MTBP: variants seen among roughly 807,000 people sequenced by gnomAD.
MTBP encodes the protein MDM2 binding protein, also known as mdm2-binding protein.
In MTBP, 101 loss-of-function variants were observed where a neutral mutation model predicts 117.0. The observed-to-expected ratio is 0.86, with a 90% CI of 0.73 to 1.02. MTBP has a LOEUF of 1.02. Among genes scored for constraint, MTBP ranks in the 50% least tolerant of loss-of-function variants. The probability of loss-of-function intolerance (pLI) is 0.00; values close to 1 mark genes in which losing one functional copy is unlikely to be tolerated. For missense variants in MTBP, 970 were observed against 1,030.9 expected, an observed-to-expected ratio of 0.94 and a Z score of 0.81; for synonymous variants, 350 against 351.5, an observed-to-expected ratio of 1.00 and a Z score of 0.05.
chr8:120,485,883 G>A (rs1229484007), intron 11 of MTBP, among the ~76,000 whole-genome samples: 1 of 152,108 alleles, frequency 6.6e-6, no homozygotes, highest in African/African-American at 2.4e-5. Flanking sequence ...CCTTCAGTGT[G>A]GCCACATTCA....
chr8:120,458,798 G>A (rs1374291147), intron 7 of MTBP, among the ~76,000 whole-genome samples: 2 of 147,844 alleles, frequency 1.4e-5, no homozygotes, highest in East Asian at 2.0e-4. Flanking sequence ...GCAAGATTGC[G>A]CCACTGCACT....
intron 18 of MTBP, among the ~76,000 whole-genome samples, chr8:120,517,443 T>C (rs1185261787): frequency 1.3e-5 from 2 of 152,098 alleles, no homozygotes; most frequent in East Asian, 3.9e-4. Context: ...TATTGTTTGT[T>C]GCTTTCTCTA....
chr8:120,456,246 A>G (rs74816330), intron 6 of MTBP, among the ~76,000 whole-genome samples: 7,349 of 152,200 alleles, frequency 0.048, 287 homozygotes, highest in East Asian at 0.16. Flanking sequence ...AAGATAAGGA[A>G]GTGACATTGT....
In MTBP at chr8:120,462,061, G is replaced by A. The variant is rs1045696692; in HGVS notation, c.977+806G>A. 3.9e-5 allele frequency among the ~76,000 whole-genome samples: 6 copies of A among 152,186 alleles called. 1 individual carries two copies. In the South Asian group the frequency reaches 1.0e-3, roughly 26 times the overall value. On this transcript the variant is annotated intron_variant, in intron 9 of 21. Transcript: ENST00000305949. ...AGTAGTGGTTTTTTGGCTTGGGGGT[G>A]TTGAGGGCAGTTGCTAAGTGATCAG...
chr8:120,509,258 T>C (rs1814751523), intron 16 of MTBP, among the ~76,000 whole-genome samples: 1 of 152,216 alleles, frequency 6.6e-6, no homozygotes, highest in Non-Finnish European at 1.5e-5. Flanking sequence ...AGGATTTAAC[T>C]AAATGCCTAA....
intron 21 of MTBP, 90 bp from the exon 22 acceptor site, chr8:120,523,208 C>G: frequency 4.8e-6 from 4 of 834,764 alleles, no homozygotes; most frequent in Non-Finnish European, 7.7e-6. Context: ...AAATTTTCTA[C>G]CATGTTCTTT....
chr8:120,487,718 T>G (rs1448314307), intron 11 of MTBP, among the ~76,000 whole-genome samples: 1 of 152,218 alleles, frequency 6.6e-6, no homozygotes, highest in Admixed American at 6.5e-5. Flanking sequence ...AAATACATTA[T>G]GGATGCCCAC....
At chr8:120,456,692 T>C (rs773654116) in intron 7 of MTBP, 22 bp downstream of exon 7, 3 of 1,260,170 alleles carry the variant, frequency 2.4e-6, no homozygotes, top group Admixed American at 1.9e-5. Context: ...ATTCACAGTT[T>C]GCCAAGTAGG....
rs1813590489 is a variant in MTBP at position 120,462,000 on chromosome 8, CA to C, written c.977+746del. Among the ~76,000 whole-genome samples the C allele has an allele frequency of 2.0e-5, 3 of 152,222 alleles. No homozygotes were observed. In the South Asian group the frequency reaches 6.2e-4, roughly 32 times the overall value. On this transcript the variant is annotated intron_variant, in intron 9 of 21. Transcript: ENST00000305949. ...TACAAAGGTGTAGGAGAACGTTACC[CA>C]GCTGAGAACTGTTTGTAGTCTAGAA...
At chr8:120,445,991 C>T (rs1813217139) in intron 1 of MTBP, among the ~76,000 whole-genome samples, 1 of 152,176 alleles carries the variant, frequency 6.6e-6, no homozygotes, top group Non-Finnish European at 1.5e-5. Context: ...AGACATCCCA[C>T]ATATAACCTA....
At chr8:120,521,422 C>T (rs955187533) in intron 20 of MTBP, among the ~76,000 whole-genome samples, 14 of 152,130 alleles carry the variant, frequency 9.2e-5, no homozygotes, top group Non-Finnish European at 1.6e-4. Context: ...TACAACTGTT[C>T]TTCAAAGGAA....
At chr8:120,502,000 G>T (rs552324936) in intron 14 of MTBP, among the ~76,000 whole-genome samples, 5 of 152,130 alleles carry the variant, frequency 3.3e-5, no homozygotes, top group African/African-American at 1.2e-4. Context: ...TGGTTTCTGC[G>T]AGAGAACATC....
intron 6 of MTBP, among the ~76,000 whole-genome samples, chr8:120,455,811 T>C (rs928263994): frequency 2.0e-5 from 3 of 152,138 alleles, no homozygotes; most frequent in Admixed American, 2.0e-4. Flanking sequence ...GATGCTGTTT[T>C]ACAACCATTA....
chr8:120,453,632 A>C (rs1813406754), intron 4 of MTBP, among the ~76,000 whole-genome samples: 2 of 151,306 alleles, frequency 1.3e-5, no homozygotes, highest in Admixed American at 1.3e-4. Flanking sequence ...GCTTCCATAC[A>C]TACTAATTAT....
intron 9 of MTBP, 136 bp downstream of exon 9, chr8:120,461,391 A>C (rs1313435247): frequency 1.6e-6 from 1 of 619,820 alleles, no homozygotes; most frequent in Non-Finnish European, 2.7e-6. Flanking sequence ...ATGTTCAAGT[A>C]GGCTGCTGGA....
chr8:120,512,033 C>T (rs1477910751), intron 17 of MTBP, among the ~76,000 whole-genome samples: 1 of 152,092 alleles, frequency 6.6e-6, no homozygotes, highest in Non-Finnish European at 1.5e-5. Context: ...AGCTATAAAG[C>T]AGTATCTCCC....
At chr8:120,501,165 TG>T (rs1312906870) in intron 14 of MTBP, among the ~76,000 whole-genome samples, 30 of 116,602 alleles carry the variant, frequency 2.6e-4, no homozygotes, top group Non-Finnish European at 3.3e-4. Flanking sequence ...CACTCCAGCC[TG>T]GGTGACAGAG....
chr8:120,511,576 T>G (rs1814811179), intron 17 of MTBP, among the ~76,000 whole-genome samples: 1 of 152,242 alleles, frequency 6.6e-6, no homozygotes, highest in Non-Finnish European at 1.5e-5. Flanking sequence ...ATTACAGGCA[T>G]GAGCCACCGC....
intron 14 of MTBP, 70 bp downstream of exon 14, chr8:120,497,624 TATAAA>T (rs1268327544): frequency 1.1e-6 from 1 of 907,824 alleles, no homozygotes; most frequent in Admixed American, 3.1e-5. Flanking sequence ...TATTAAAACT[TATAAA>T]ATGTATTGGT....
Sources: allele counts gnomAD v4.1 joint callset (sites outside exome capture counted in the v4.1 genomes callset), GRCh38; gene constraint gnomAD v4.1.1; transcripts MANE v1.5; gene names NCBI Gene and HGNC (gene_info 2026-07-23, HGNC 2026-07-21).